Variants in NQO2 observed in about 807,000 individuals in gnomAD.
NQO2 encodes the protein N-ribosyldihydronicotinamide:quinone dehydrogenase 2, also known as ribosyldihydronicotinamide dehydrogenase [quinone].
NQO2 carries 18 observed loss-of-function variants against 22.0 expected under a neutral mutation model. The observed-to-expected ratio is 0.82, with a 90% CI of 0.56 to 1.21. NQO2 has a LOEUF of 1.21. Ranked by LOEUF, NQO2 falls within the 50% of genes most tolerant of loss-of-function variation. The pLI, the probability that NQO2 is intolerant of heterozygous loss-of-function variation, is 0.00. For missense variants in NQO2, 267 were observed against 286.9 expected (o/e 0.93, Z 0.50); for synonymous variants, 106 against 110.8 (o/e 0.96, Z 0.28).
Position 3,006,523 on chromosome 6 carries a change from T to C in NQO2, c.-30T>C, listed in dbSNP as rs1384895254. 7 of 1,612,532 alleles carry C rather than the reference T, an allele frequency of 4.3e-6. No individual in the cohort carries two copies. In the South Asian group the frequency reaches 7.7e-5, roughly 18 times the overall value. ...AGGAAAGCCCCAGCCACCCATCAAA[T>C]CAGAGAGAAGGAATCCACCTTCTTA... is the stretch of plus-strand genomic sequence containing the variant. On this transcript the variant is annotated 5_prime_UTR_variant, in exon 2 of 7. Transcript: ENST00000380455. This position sits in a 1 kb window ranked among gnomAD's most constrained non-coding sequence, Gnocchi z 4.0.
chr6:3,011,358 A>G (rs1475587643), intron 3 of NQO2, among the ~76,000 whole-genome samples: 1 of 152,222 alleles, frequency 6.6e-6, no homozygotes, highest in African/African-American at 2.4e-5. Context: ...TGGATGAAGC[A>G]GAAGAAAAAA....
intron 1 of NQO2, chr6:3,003,829 C>T (rs1162510474): frequency 3.3e-6 from 3 of 912,880 alleles, no homozygotes; most frequent in Non-Finnish European, 3.9e-6. Flanking sequence ...CACTTTCAGA[C>T]AGACAGTGCA....
At chr6:3,002,873 C>A in intron 1 of NQO2, among the ~76,000 whole-genome samples, 1 of 152,180 alleles carries the variant, frequency 6.6e-6, no homozygotes, top group Admixed American at 6.5e-5. Context: ...CTAATCTCAG[C>A]CCCCTGAGTA....
At position 3,006,549 on chromosome 6, in the gene NQO2, C is replaced by A. The variant is rs1355915415; in HGVS notation, c.-4C>A. The A allele has an allele frequency of 6.2e-7, 1 of 1,609,928 alleles. No homozygotes were observed. Among genetic ancestry groups the A allele is most frequent in the East Asian group, 2.2e-5 (1 of 44,700 alleles). On this transcript the variant is annotated 5_prime_UTR_variant, in exon 2 of 7. Transcript: ENST00000380455. This position sits in a 1 kb window ranked among gnomAD's most constrained non-coding sequence, Gnocchi z 4.0. The stretch of plus-strand genomic sequence containing the variant: ...CAGAGAGAAGGAATCCACCTTCTTA[C>A]GCTATGGCAGGTAATGATTCACTAT...
chr6:3,016,725 A>G, intron 5 of NQO2, 159 bp from the exon 6 acceptor site: 1 of 983,576 alleles, frequency 1.0e-6, no homozygotes, highest in Non-Finnish European at 1.2e-6. Flanking sequence ...TTGGGATGTC[A>G]TTGTCACCTA....
At position 3,010,131 on chromosome 6, in the gene NQO2, A is replaced by G. The variant is rs372748255; in HGVS notation, c.114A>G (p.Thr38=). 1.4e-5 allele frequency: 22 copies of G among 1,613,924 alleles called. No homozygotes were observed. The highest frequency in any genetic ancestry group is 4.4e-5 in the South Asian group (4 of 91,082). Residue 38 remains threonine, a synonymous_variant, in exon 3 of 7, where the codon ACA becomes ACG. Coordinates refer to ENST00000380455, the MANE Select transcript of NQO2 (RefSeq NM_000904.6). The part of the protein sequence containing the change: ...DELSRQGCTV[T]VSDLYAMNLE... ...TGAGCAGGCAGGGCTGCACCGTCAC[A>G]GTGTCTGATTTGTATGCCATGAACC... is the stretch of plus-strand genomic sequence containing the variant.
chr6:3,007,032 C>T (rs910820847), intron 2 of NQO2: 7 of 396,796 alleles, frequency 1.8e-5, no homozygotes, highest in African/African-American at 6.2e-5. Context: ...TTTCACCTAA[C>T]GATATAACAT....
intron 1 of NQO2, chr6:3,004,677 G>A (rs1756877921): frequency 1.0e-6 from 1 of 983,382 alleles, no homozygotes. Flanking sequence ...ACTTTTGTGT[G>A]TCTCTGTGCT....
chr6:3,009,480 C>T (rs544832910), intron 2 of NQO2, among the ~76,000 whole-genome samples: 14 of 152,232 alleles, frequency 9.2e-5, no homozygotes, highest in East Asian at 5.8e-4. Flanking sequence ...TCCTCCTCAG[C>T]TTATGAAGAT....
chr6:3,017,071 C>T, intron 6 of NQO2, 86 bp downstream of exon 6: 6 of 1,453,146 alleles, frequency 4.1e-6, no homozygotes, highest in Non-Finnish European at 5.6e-6. Flanking sequence ...CACACACACG[C>T]ACACACATAC....
chr6:3,018,881 A>G (rs12524138), intron 6 of NQO2, among the ~76,000 whole-genome samples: 29,218 of 151,374 alleles, frequency 0.19, 2,986 homozygotes, highest in Non-Finnish European at 0.22. Flanking sequence ...CAAAAAAAAA[A>G]GAGACAATAT....
intron 4 of NQO2, among the ~76,000 whole-genome samples, chr6:3,013,476 T>G (rs1272511965): frequency 6.6e-6 from 1 of 152,192 alleles, no homozygotes; most frequent in Non-Finnish European, 1.5e-5. Flanking sequence ...CACATTTATC[T>G]GCACAAATGT....
intron 1 of NQO2, among the ~76,000 whole-genome samples, chr6:3,003,301 C>G (rs1411547057): frequency 6.6e-6 from 1 of 151,792 alleles, no homozygotes; most frequent in Non-Finnish European, 1.5e-5. Flanking sequence ...GTAAACTTGC[C>G]TCATCGGGAG....
chr6:3,009,868 A>C (rs1207391059), intron 2 of NQO2, 157 bp from the exon 3 acceptor site: 1 of 934,920 alleles, frequency 1.1e-6, no homozygotes, highest in African/African-American at 1.8e-5. Flanking sequence ...CTGTCTAAAA[A>C]GAAGAGAGAG....
At chr6:3,015,096 G>A (rs1435014763) in intron 4 of NQO2, 7 of 1,292,404 alleles carry the variant, frequency 5.4e-6, no homozygotes, top group Non-Finnish European at 7.1e-6. Flanking sequence ...ACTTTAGTTG[G>A]TGTCTAAATC....
At chr6:3,011,136 G>A (rs562588956) in intron 3 of NQO2, among the ~76,000 whole-genome samples, 2 of 152,244 alleles carry the variant, frequency 1.3e-5, no homozygotes, top group East Asian at 1.9e-4. Context: ...TGAACCTAAC[G>A]AGACGGCACT....
chr6:3,014,331 TG>T (rs1190092372), intron 4 of NQO2, among the ~76,000 whole-genome samples: 1 of 152,180 alleles, frequency 6.6e-6, no homozygotes, highest in African/African-American at 2.4e-5. Context: ...TAATTACAGG[TG>T]GGTGGACTCA....
intron 1 of NQO2, 133 bp downstream of exon 1, chr6:3,000,218 A>G (rs1772911114): frequency 6.6e-6 from 1 of 152,310 alleles, no homozygotes; most frequent in Non-Finnish European, 1.5e-5. Context: ...GCCAGGGACC[A>G]TTCTGTACAT....
rs558721908 is a variant in NQO2 at position 3,009,660 on chromosome 6, G to A, written c.8-365G>A. ...ATTTGGGGAACTAATAAATGTCCAC[G>A]AAATCTTCACAATTTATATTCTTCT... is the stretch of plus-strand genomic sequence containing the variant. On this transcript the variant is annotated intron_variant, in intron 2 of 6. Coordinates refer to ENST00000380455, the MANE Select transcript of NQO2 (RefSeq NM_000904.6). 7.2e-5 allele frequency among the ~76,000 whole-genome samples: 11 copies of A among 152,284 alleles called. No homozygotes were observed. The South Asian group carries it at 8.3e-4, about 11-fold the overall frequency.
Sources: gnomAD v4.1 joint callset for allele counts (sites outside exome capture counted in the v4.1 genomes callset) on GRCh38, gnomAD v4.1.1 for gene constraint, Gnocchi (gnomAD v3.1) non-coding constraint, MANE v1.5 for transcripts, NCBI Gene and HGNC (gene_info 2026-07-23, HGNC 2026-07-21) for gene names.